The following PDZRN4 variants were observed in gnomAD, a reference collection of about 807,000 sequenced individuals.
PDZRN4 encodes the protein PDZ domain-containing RING finger protein 4.
In PDZRN4, 70 loss-of-function variants were observed where a neutral mutation model predicts 99.0. That is an observed-to-expected ratio of 0.71 (90% confidence interval 0.58 to 0.86). The LOEUF is 0.86. Among genes scored for constraint, PDZRN4 ranks in the 40% least tolerant of loss-of-function variants. The pLI is 0.00. For missense variants in PDZRN4, 1,474 were observed against 1,331.2 expected (o/e 1.11, Z -1.67); for synonymous variants, 551 against 501.6 (o/e 1.10, Z -1.32).
At chr12:41,315,586 T>C (rs937934872) in intron 3 of PDZRN4, among the ~76,000 whole-genome samples, 2 of 152,148 alleles carry the variant, frequency 1.3e-5, no homozygotes, top group Non-Finnish European at 2.9e-5. Flanking sequence ...GTGATTTTCT[T>C]TAATAAATTA....
chr12:41,290,526 T>C (rs1207553128), intron 3 of PDZRN4, among the ~76,000 whole-genome samples: 2 of 152,132 alleles, frequency 1.3e-5, no homozygotes, highest in Non-Finnish European at 2.9e-5. Flanking sequence ...AGGAAAATTA[T>C]ACATCTTCAT....
chr12:41,555,149 T>C (rs1443550071), intron 6 of PDZRN4, among the ~76,000 whole-genome samples: 6 of 139,480 alleles, frequency 4.3e-5, no homozygotes, highest in Non-Finnish European at 7.5e-5. Context: ...GAGAATGGCA[T>C]GAACCCGAGA....
At chr12:41,469,250 A>G (rs909149726) in intron 3 of PDZRN4, among the ~76,000 whole-genome samples, 3 of 152,142 alleles carry the variant, frequency 2.0e-5, no homozygotes, top group Admixed American at 1.3e-4. Context: ...AAAAAGGTAC[A>G]CTAAAAATGA....
intron 5 of PDZRN4, among the ~76,000 whole-genome samples, chr12:41,542,973 A>T (rs2120773099): frequency 6.6e-6 from 1 of 152,294 alleles, no homozygotes; most frequent in East Asian, 1.9e-4. Flanking sequence ...GCCACAGATT[A>T]TGCATATTGG....
chr12:41,465,642 C>G (rs888009018), intron 3 of PDZRN4, among the ~76,000 whole-genome samples: 10 of 152,158 alleles, frequency 6.6e-5, no homozygotes, highest in Non-Finnish European at 1.2e-4. Flanking sequence ...TGTTCTTCCC[C>G]TTTCCTTCTC....
chr12:41,298,331 A>T (rs1951509155), intron 3 of PDZRN4, among the ~76,000 whole-genome samples: 1 of 152,156 alleles, frequency 6.6e-6, no homozygotes, highest in African/African-American at 2.4e-5. Context: ...TATGTTATAC[A>T]TTCTTTCCCT....
intron 3 of PDZRN4, among the ~76,000 whole-genome samples, chr12:41,217,182 G>A (rs921174692): frequency 6.6e-6 from 1 of 152,060 alleles, no homozygotes; most frequent in Non-Finnish European, 1.5e-5. Flanking sequence ...TCAGGTTCAA[G>A]CAGCTCCTGA....
At chr12:41,489,592 G>A (rs530721497) in intron 3 of PDZRN4, among the ~76,000 whole-genome samples, 56 of 151,624 alleles carry the variant, frequency 3.7e-4, no homozygotes, top group African/African-American at 1.3e-3. Context: ...CAGTCAACTC[G>A]TCCTTCTCTA....
intron 7 of PDZRN4, among the ~76,000 whole-genome samples, chr12:41,557,237 A>T (rs1377298108): frequency 1.3e-5 from 2 of 151,874 alleles, no homozygotes; most frequent in African/African-American, 4.8e-5. Flanking sequence ...CCAAGATAAG[A>T]CCAGAGGTGC....
At chr12:41,332,485 A>G (rs1246021531) in intron 3 of PDZRN4, among the ~76,000 whole-genome samples, 1 of 152,000 alleles carries the variant, frequency 6.6e-6, no homozygotes, top group African/African-American at 2.4e-5. Context: ...TCTAATGATG[A>G]TGAAGAGTGA....
At chr12:41,384,518 C>G (rs1952151917) in intron 3 of PDZRN4, among the ~76,000 whole-genome samples, 1 of 152,138 alleles carries the variant, frequency 6.6e-6, no homozygotes, top group African/African-American at 2.4e-5. Flanking sequence ...CAATCAGTTA[C>G]TTTTCCAATA....
intron 3 of PDZRN4, among the ~76,000 whole-genome samples, chr12:41,499,244 G>A (rs1352991149): frequency 6.6e-6 from 1 of 152,084 alleles, no homozygotes; most frequent in Non-Finnish European, 1.5e-5. Flanking sequence ...TGAGGCAGGG[G>A]TGCCAAGACA....
chr12:41,438,037 C>A, intron 3 of PDZRN4: 1 of 1,611,342 alleles, frequency 6.2e-7, no homozygotes, highest in South Asian at 1.1e-5. Flanking sequence ...CTGATACCAG[C>A]AACTAAGAGC....
At chr12:41,469,808 T>C (rs1383102118) in intron 3 of PDZRN4, among the ~76,000 whole-genome samples, 4 of 152,116 alleles carry the variant, frequency 2.6e-5, no homozygotes, top group African/African-American at 9.7e-5. Context: ...CGGGCACCTG[T>C]AGTCCCAGCT....
At chr12:41,379,287 A>G (rs1315898110) in intron 3 of PDZRN4, among the ~76,000 whole-genome samples, 2 of 137,798 alleles carry the variant, frequency 1.5e-5, no homozygotes, top group Non-Finnish European at 3.1e-5. Flanking sequence ...GTAAAGTTTC[A>G]TCAATTTTGT....
intron 3 of PDZRN4, among the ~76,000 whole-genome samples, chr12:41,286,336 C>CTTTTTTTTTTTTTTTTTTTTTTT (rs71081721): frequency 2.8e-5 from 3 of 106,296 alleles, no homozygotes; most frequent in African/African-American, 3.7e-5. Flanking sequence ...CCTTCTTCTT[C>CTTTTTTTTTTTTTTTTTTTTTTT]TTTTTTTTTT....
intron 6 of PDZRN4, among the ~76,000 whole-genome samples, chr12:41,555,296 G>C (rs1939138173): frequency 6.8e-6 from 1 of 147,656 alleles, no homozygotes; most frequent in Admixed American, 6.8e-5. Flanking sequence ...GCTTTGCTAA[G>C]ACAAAAAGTA....
At chr12:41,505,730 G>A (rs1938195290) in intron 3 of PDZRN4, among the ~76,000 whole-genome samples, 1 of 151,936 alleles carries the variant, frequency 6.6e-6, no homozygotes, top group South Asian at 2.1e-4. Flanking sequence ...TCATGAATTG[G>A]TAGAAATTAA....
intron 3 of PDZRN4, among the ~76,000 whole-genome samples, chr12:41,377,912 A>G (rs1230882175): frequency 6.6e-6 from 1 of 152,186 alleles, no homozygotes; most frequent in African/African-American, 2.4e-5. Context: ...TACATATAAG[A>G]TCATATTATA....
Sources: gnomAD v4.1 joint callset for allele counts (sites outside exome capture counted in the v4.1 genomes callset) on GRCh38, gnomAD v4.1.1 for gene constraint, MANE v1.5 for transcripts, NCBI Gene and HGNC (gene_info 2026-07-23, HGNC 2026-07-21) for gene names.